Variants in CSMD1 observed in about 807,000 individuals in gnomAD.
CSMD1 encodes CUB and Sushi multiple domains 1.
A neutral mutation model predicts 417.5 loss-of-function variants in CSMD1; 213 were observed. The observed-to-expected ratio is 0.51, with a 90% CI of 0.46 to 0.57. The LOEUF (loss-of-function observed/expected upper bound fraction) is 0.57, where lower values mean the gene tolerates loss of function less well. Ranked by LOEUF, CSMD1 falls within the 20% of genes least tolerant of loss-of-function variation. CSMD1 has a pLI of 0.00. For missense variants in CSMD1, 6,923 were observed against 4,529.7 expected (o/e 1.53, Z -15.17); for synonymous variants, 2,862 against 1,736.8 (o/e 1.65, Z -16.11).
chr8:3,931,763 C>A (rs1354442785), intron 5 of CSMD1, among the ~76,000 whole-genome samples: 1 of 148,604 alleles, frequency 6.7e-6, no homozygotes, highest in Non-Finnish European at 1.5e-5. Context: ...ACAAGGTGAG[C>A]AAGGAGCACC....
chr8:3,438,829 T>C (rs1003328728), intron 12 of CSMD1, among the ~76,000 whole-genome samples: 1 of 151,928 alleles, frequency 6.6e-6, no homozygotes, highest in Non-Finnish European at 1.5e-5. Context: ...TTATAAGAAA[T>C]TGCTGGCCAG....
chr8:4,035,103 G>C lies in CSMD1; in HGVS notation c.416-3004C>G, dbSNP rs563711701. On this transcript the variant is annotated intron_variant, in intron 3 of 69. Coordinates refer to ENST00000635120, the MANE Select transcript of CSMD1 (RefSeq NM_033225.6). ...ACATTCTACAGTAATATATAGTTGT[G>C]AGCTGCCTAACAACAGCTCAATGAT... Among the ~76,000 whole-genome samples the C allele has an allele frequency of 3.9e-5, 6 of 152,214 alleles. No individual in the cohort carries two copies. The East Asian group carries it at 9.7e-4, about 25-fold the overall frequency.
At chr8:4,557,739 A>G (rs1250324224) in intron 2 of CSMD1, among the ~76,000 whole-genome samples, 1 of 151,666 alleles carries the variant, frequency 6.6e-6, no homozygotes, top group African/African-American at 2.4e-5. Flanking sequence ...CAAAGGGTCA[A>G]TTTCAAAGGT....
intron 1 of CSMD1, among the ~76,000 whole-genome samples, chr8:4,967,773 G>T (rs934429112): frequency 6.6e-6 from 1 of 152,080 alleles, no homozygotes; most frequent in African/African-American, 2.4e-5. Context: ...TGTGACTTAC[G>T]TAGCTAGAGA....
intron 10 of CSMD1, among the ~76,000 whole-genome samples, chr8:3,525,386 T>C (rs1365097229): frequency 6.6e-6 from 1 of 152,166 alleles, no homozygotes; most frequent in Non-Finnish European, 1.5e-5. Flanking sequence ...AAGGTGGATT[T>C]AATTTCAAGG....
At chr8:4,180,115 G>C (rs1798271659) in intron 3 of CSMD1, among the ~76,000 whole-genome samples, 1 of 152,028 alleles carries the variant, frequency 6.6e-6, no homozygotes, top group South Asian at 2.1e-4. Flanking sequence ...CTGCTATGAA[G>C]ACACATTCAC....
intron 5 of CSMD1, among the ~76,000 whole-genome samples, chr8:3,846,955 G>A (rs898164392): frequency 1.1e-4 from 17 of 152,264 alleles, no homozygotes; most frequent in Admixed American, 5.9e-4. Flanking sequence ...GATTACAGCC[G>A]TGAGCCACTG....
intron 3 of CSMD1, among the ~76,000 whole-genome samples, chr8:4,413,570 T>C (rs1333170267): frequency 1.3e-5 from 2 of 152,084 alleles, no homozygotes; most frequent in African/African-American, 4.8e-5. Context: ...AAAATTATTT[T>C]ATCATAGCAA....
At chr8:4,611,808 G>A (rs1564179) in intron 2 of CSMD1, among the ~76,000 whole-genome samples, 71,847 of 151,906 alleles carry the variant, frequency 0.47, 19,588 homozygotes, top group African/African-American at 0.76. Context: ...GTACACATAT[G>A]CGAATTTAAC....
At chr8:3,808,944 G>C (rs775038819) in intron 5 of CSMD1, among the ~76,000 whole-genome samples, 2 of 152,122 alleles carry the variant, frequency 1.3e-5, no homozygotes, top group African/African-American at 2.4e-5. Context: ...GCTATGTAGA[G>C]GGGTCGTTTG....
chr8:4,161,146 G>C (rs1797134505), intron 3 of CSMD1, among the ~76,000 whole-genome samples: 1 of 151,210 alleles, frequency 6.6e-6, no homozygotes, highest in East Asian at 2.0e-4. Flanking sequence ...CATGTCTTAA[G>C]ACATGATAAA....
intron 1 of CSMD1, among the ~76,000 whole-genome samples, chr8:4,966,167 C>G (rs117847014): frequency 0.019 from 2,754 of 143,636 alleles, 91 homozygotes; most frequent in East Asian, 0.14. Context: ...AGTTCCAGAC[C>G]AGCTTGGCTA....
intron 37 of CSMD1, among the ~76,000 whole-genome samples, chr8:3,176,782 C>CTTTTTTTTTTTTCTTTCT (rs35353241): frequency 6.8e-6 from 1 of 146,176 alleles, no homozygotes; most frequent in Non-Finnish European, 1.5e-5. Flanking sequence ...CTTTTTCTTT[C>CTTTTTTTTTTTTCTTTCT]TTTTTTTTTT....
Position 4,994,400 on chromosome 8 carries a change from C to G in CSMD1, c.17G>C (p.Arg6Thr). 6.2e-7 allele frequency: 1 copy of G among 1,612,330 alleles called. No homozygotes were observed. Among genetic ancestry groups the G allele is most frequent in the Non-Finnish European group, 8.5e-7 (1 of 1,179,810 alleles). The stretch of plus-strand genomic sequence containing the variant: ...GAGAAGCAGGAGCAGCGACTGGAAT[C>G]TCCTCCACGCAGTCATGTCTGCAGA... MTAWRRFQSLLLLLGL... is the reference protein window; with the variant it reads MTAWRTFQSLLLLLGL... The change falls in exon 1 of 70, where the codon AGA becomes ACA. Residue 6 changes from arginine to threonine, a missense_variant. Arg to Thr is a moderately conservative substitution (Grantham distance 71). Coordinates refer to ENST00000635120, the MANE Select transcript of CSMD1 (RefSeq NM_033225.6).
intron 2 of CSMD1, among the ~76,000 whole-genome samples, chr8:4,629,803 A>C (rs774450905): frequency 4.6e-5 from 7 of 152,196 alleles, no homozygotes; most frequent in Non-Finnish European, 1.0e-4. Flanking sequence ...AATCAAGAAG[A>C]TATCTTTGTC....
chr8:2,949,963 A>T (rs866048125), intron 67 of CSMD1, among the ~76,000 whole-genome samples: 1 of 152,116 alleles, frequency 6.6e-6, no homozygotes, highest in Non-Finnish European at 1.5e-5. Flanking sequence ...AACATCATAG[A>T]CCCTGGATTT....
intron 23 of CSMD1, among the ~76,000 whole-genome samples, chr8:3,309,569 A>T (rs192247707): frequency 6.6e-6 from 1 of 152,354 alleles, no homozygotes; most frequent in African/African-American, 2.4e-5. Flanking sequence ...TGTGAAAGAC[A>T]GTCTTACAGT....
intron 11 of CSMD1, among the ~76,000 whole-genome samples, chr8:3,489,186 C>T (rs1425175999): frequency 6.6e-6 from 1 of 152,116 alleles, no homozygotes; most frequent in East Asian, 1.9e-4. Flanking sequence ...AATGACGTCT[C>T]AGCCATGCCA....
rs1554458093 is a variant in CSMD1, at chr8:4,724,542, G to GTC, written c.86-86985_86-86984insGA. Among the ~76,000 whole-genome samples the GTC allele has an allele frequency of 3.6e-3, 536 of 150,406 alleles. 7 individuals carry two copies. The highest frequency in any genetic ancestry group is 0.02 in the Middle Eastern group (6 of 294). The stretch of plus-strand genomic sequence containing the variant: ...TATATGTGTGTGTGTGTGTGTGTGT[G>GTC]TGTGTGTGTGTGTGTGTGTGTTTAT... On this transcript the variant is annotated intron_variant, in intron 1 of 69. Transcript: ENST00000635120.
Sources: allele counts gnomAD v4.1 joint callset (sites outside exome capture counted in the v4.1 genomes callset), GRCh38; gene constraint gnomAD v4.1.1; transcripts MANE v1.5; gene names NCBI Gene and HGNC (gene_info 2026-07-23, HGNC 2026-07-21).